Variants in ZNF146 observed in about 807,000 individuals in gnomAD.
ZNF146 encodes zinc finger protein OZF.
A neutral mutation model predicts 22.2 loss-of-function variants in ZNF146; 9 were observed. The ratio of observed to expected loss-of-function variants is 0.41; its 90% CI spans 0.24 to 0.71. The LOEUF is 0.71. ZNF146 is among the 30% of genes least tolerant of loss of function. ZNF146 has a pLI of 0.34. For synonymous variants in ZNF146, 108 were observed against 119.2 expected, an observed-to-expected ratio of 0.91 and a Z score of 0.61; for missense variants, 194 against 344.8, an observed-to-expected ratio of 0.56 and a Z score of 3.46.
At position 36,236,299 on chromosome 19, in the gene ZNF146, C is replaced by T. The variant is rs1977641789; in HGVS notation, c.-142C>T. ...ATTTCCTCTCAAACCTTATCCCTTACTCTGCATTTGGGAGATCATACACAG... is the reference window on the plus strand; with the variant it reads ...ATTTCCTCTCAAACCTTATCCCTTATTCTGCATTTGGGAGATCATACACAG... On this transcript the variant is annotated 5_prime_UTR_variant, in exon 4 of 4. Coordinates refer to ENST00000443387, the MANE Select transcript of ZNF146 (RefSeq NM_007145.3). 3.0e-6 allele frequency: 3 copies of T among 983,998 alleles called. No homozygotes were observed. The highest frequency in any genetic ancestry group is 1.6e-5 in the African/African-American group (1 of 60,906). 61.0% of individuals were successfully genotyped at this position (983,998 alleles called of 1,614,324 possible).
rs1977637485 is a variant in ZNF146 at position 36,236,170 on chromosome 19, C to G, written c.-271C>G. On this transcript the variant is annotated 5_prime_UTR_variant, in exon 4 of 4. Coordinates refer to ENST00000443387, the MANE Select transcript of ZNF146 (RefSeq NM_007145.3). ...GCTAGATGACAATCTCATTGAGAAGCAGAAAATTCATGCTGGAGAGAAACT... is the reference window on the plus strand; with the variant it reads ...GCTAGATGACAATCTCATTGAGAAGGAGAAAATTCATGCTGGAGAGAAACT... The G allele has an allele frequency of 2.8e-6, 1 of 361,902 alleles. No individual in the cohort carries two copies. The highest frequency in any genetic ancestry group is 5.0e-6 in the Non-Finnish European group (1 of 201,978). 22.4% of individuals were successfully genotyped at this position (361,902 alleles called of 1,614,324 possible). A position where few individuals can be genotyped will look rare whatever the true frequency, so the allele number is the denominator to read the frequency against.
chr19:36,222,270 A>T (rs1017286911), intron 2 of ZNF146, among the ~76,000 whole-genome samples: 1 of 152,076 alleles, frequency 6.6e-6, no homozygotes, highest in African/African-American at 2.4e-5. Flanking sequence ...TTTTTTTTTC[A>T]GCTGCTGTAT....
chr19:36,218,165 C>T lies in ZNF146; in HGVS notation c.-885C>T, dbSNP rs897758335. 2.7e-5 allele frequency: 4 copies of T among 147,742 alleles called. No homozygotes were observed. In the East Asian group the frequency reaches 7.9e-4, roughly 29 times the overall value. The allele number at this position is 147,742 out of a possible 1,614,324, so 9.2% of individuals were successfully genotyped here. On this transcript the variant is annotated 5_prime_UTR_variant, in exon 2 of 4. Transcript: ENST00000443387. ...GCCAGACTTCCTGTGTTAACTCCTT[C>T]CTCTGCCACTTTTTACCTTGGGGAC...
chr19:36,218,093 A>ATTTTTTTTTTTTTTT (rs745884262), intron 1 of ZNF146, 29 bp from the exon 2 acceptor site: 4 of 108,644 alleles, frequency 3.7e-5, no homozygotes, highest in African/African-American at 1.4e-4. Flanking sequence ...GCATGAGCTA[A>ATTTTTTTTTTTTTTT]TTTTTTTTTT....
chr19:36,236,120 T>G lies in ZNF146; in HGVS notation c.-321T>G, dbSNP rs1977636342. 3.9e-6 allele frequency: 1 copy of G among 257,862 alleles called. No homozygotes were observed. Among genetic ancestry groups the G allele is most frequent in the Admixed American group, 4.9e-5 (1 of 20,290 alleles). The allele number at this position is 257,862 out of a possible 1,614,324, so 16.0% of individuals were successfully genotyped here. A position where few individuals can be genotyped will look rare whatever the true frequency, so the allele number is the denominator to read the frequency against. ...TCATGCTGAAGAGAAACCCTGTGCTTCTAAGGAGTATTGACAAGCCCTTAG... is the reference window on the plus strand; with the variant it reads ...TCATGCTGAAGAGAAACCCTGTGCTGCTAAGGAGTATTGACAAGCCCTTAG... On this transcript the variant is annotated 5_prime_UTR_variant, in exon 4 of 4. Coordinates refer to ENST00000443387, the MANE Select transcript of ZNF146 (RefSeq NM_007145.3).
chr19:36,232,321 A>G (rs1977417750), intron 3 of ZNF146, among the ~76,000 whole-genome samples: 1 of 152,052 alleles, frequency 6.6e-6, no homozygotes, highest in Non-Finnish European at 1.5e-5. Context: ...TACTACTTAT[A>G]TAAACTTGAA....
intron 1 of ZNF146, among the ~76,000 whole-genome samples, chr19:36,217,488 TGAG>T (rs1480314406): frequency 6.6e-6 from 1 of 151,942 alleles, no homozygotes; most frequent in Non-Finnish European, 1.5e-5. Flanking sequence ...TACAAAAGAA[TGAG>T]GAGGAAGCTC....
intron 3 of ZNF146, among the ~76,000 whole-genome samples, chr19:36,232,609 C>CTTTTTTTTTTTTTTT (rs548903056): frequency 7.1e-6 from 1 of 140,068 alleles, no homozygotes; most frequent in Non-Finnish European, 1.5e-5. Context: ...TTTCTTTTTT[C>CTTTTTTTTTTTTTTT]TTTTTTTTTT....
chr19:36,236,134 A>G lies in ZNF146; in HGVS notation c.-307A>G, dbSNP rs949566127. 5.2e-5 allele frequency: 15 copies of G among 290,524 alleles called. No homozygotes were observed. The highest frequency in any genetic ancestry group is 8.9e-5 in the Non-Finnish European group (14 of 156,550). The allele number at this position is 290,524 out of a possible 1,614,324, so 18.0% of individuals were successfully genotyped here. A position where few individuals can be genotyped will look rare whatever the true frequency, so the allele number is the denominator to read the frequency against. On this transcript the variant is annotated 5_prime_UTR_variant, in exon 4 of 4. An upstream open reading frame in the 5' UTR loses its in-frame stop. Transcript: ENST00000443387. ...AACCCTGTGCTTCTAAGGAGTATTG[A>G]CAAGCCCTTAGCTAGATGACAATCT...
intron 1 of ZNF146, among the ~76,000 whole-genome samples, chr19:36,217,413 A>C (rs978640892): frequency 3.3e-5 from 5 of 152,068 alleles, no homozygotes; most frequent in African/African-American, 1.2e-4. Context: ...AAAGAAAAGA[A>C]AAACAGTTCA....
intron 3 of ZNF146, among the ~76,000 whole-genome samples, chr19:36,234,789 C>T (rs1258075439): frequency 1.3e-5 from 2 of 152,132 alleles, no homozygotes; most frequent in African/African-American, 4.8e-5. Context: ...GCAGCTCATT[C>T]CTGTCATCTC....
rs1405258242 is a variant in ZNF146 at position 36,236,319 on chromosome 19, A to T, written c.-122A>T. ...CCTTACTCTGCATTTGGGAGATCAT[A>T]CACAGAGAAGCCTTATAAATGTAAG... On this transcript the variant is annotated 5_prime_UTR_variant, in exon 4 of 4. Transcript: ENST00000443387. 4 of 1,191,758 alleles carry T rather than the reference A, an allele frequency of 3.4e-6. No homozygotes were observed. The East Asian group carries it at 7.4e-5, about 22-fold the overall frequency. 73.8% of individuals were successfully genotyped at this position (1,191,758 alleles called of 1,614,324 possible). A position where few individuals can be genotyped will look rare whatever the true frequency, so the allele number is the denominator to read the frequency against.
At chr19:36,222,321 G>A (rs369527074) in intron 2 of ZNF146, among the ~76,000 whole-genome samples, 1 of 152,154 alleles carries the variant, frequency 6.6e-6, no homozygotes, top group African/African-American at 2.4e-5. Flanking sequence ...GGTTGATTCA[G>A]TTAATCCCGT....
chr19:36,221,016 C>G (rs1426783603), intron 2 of ZNF146, among the ~76,000 whole-genome samples: 1 of 151,772 alleles, frequency 6.6e-6, no homozygotes, highest in African/African-American at 2.4e-5. Context: ...TGACGCCTAG[C>G]TAATTTTTGT....
upstream of ZNF146, chr19:36,214,890 C>T (rs1976528607): frequency 6.6e-6 from 1 of 152,634 alleles, no homozygotes; most frequent in African/African-American, 2.4e-5. Context: ...CTACTTACCT[C>T]AAGAGCTCCA....
At chr19:36,218,045 T>C (rs1976685092) in intron 1 of ZNF146, 77 bp from the exon 2 acceptor site, 1 of 151,608 alleles carries the variant, frequency 6.6e-6, no homozygotes, top group African/African-American at 2.4e-5. Context: ...CCTCATGTGA[T>C]CTGCCTGCCT....
intron 2 of ZNF146, among the ~76,000 whole-genome samples, chr19:36,218,740 A>T (rs898463669): frequency 6.6e-6 from 1 of 151,972 alleles, no homozygotes; most frequent in Non-Finnish European, 1.5e-5. Flanking sequence ...AAGTCCTGGC[A>T]TTACAGGCGT....
rs181967489 is a variant in ZNF146 at position 36,218,824 on chromosome 19, G to C, written c.-855+629G>C. Among the ~76,000 whole-genome samples, 176 of 140,936 alleles carry C rather than the reference G, an allele frequency of 1.2e-3. 1 individual carries two copies. The highest frequency in any genetic ancestry group is 4.0e-3 in the African/African-American group (153 of 37,860). 92.5% of individuals were successfully genotyped at this position (140,936 alleles called of 152,430 possible). A position where few individuals can be genotyped will look rare whatever the true frequency, so the allele number is the denominator to read the frequency against. ...AAAATTTTCTTTTTTTTTGGTGGAG[G>C]GGGGGACAGAGTCTCGGTTTGTCGC... On this transcript the variant is annotated intron_variant, in intron 2 of 3. Transcript: ENST00000443387.
chr19:36,230,579 T>C (rs1245267997), intron 3 of ZNF146, among the ~76,000 whole-genome samples: 1 of 152,076 alleles, frequency 6.6e-6, no homozygotes, highest in Non-Finnish European at 1.5e-5. Context: ...GCGTGCAGCA[T>C]TGGGTGGAAG....
Sources: allele counts gnomAD v4.1 joint callset (sites outside exome capture counted in the v4.1 genomes callset), GRCh38; gene constraint gnomAD v4.1.1; transcripts MANE v1.5; gene names NCBI Gene and HGNC (gene_info 2026-07-23, HGNC 2026-07-21).